XPR1: variants seen among roughly 807,000 people sequenced by gnomAD.
XPR1 encodes the protein solute carrier family 53 member 1.
Under a neutral mutation model 87.5 loss-of-function variants are expected in XPR1, and 28 were observed. The ratio of observed to expected loss-of-function variants is 0.32; its 90% CI spans 0.24 to 0.44. The LOEUF (loss-of-function observed/expected upper bound fraction) is 0.44. Among genes scored for constraint, XPR1 ranks in the 20% least tolerant of loss-of-function variants. XPR1 has a pLI of 1.00. For synonymous variants in XPR1, 300 were observed against 306.1 expected (o/e 0.98, Z 0.21); for missense variants, 559 against 862.3 (o/e 0.65, Z 4.41).
At chr1:180,679,994 G>A (rs1656509718) in intron 1 of XPR1, among the ~76,000 whole-genome samples, 1 of 152,008 alleles carries the variant, frequency 6.6e-6, no homozygotes, top group South Asian at 2.1e-4. Flanking sequence ...CACTACAGGG[G>A]ATTAATATCT....
rs142103080 is a variant in XPR1 at position 180,711,219 on chromosome 1, G to A, written c.121+28808G>A. Among the ~76,000 whole-genome samples the A allele has an allele frequency of 4.8e-3, 728 of 151,428 alleles. 1 individual carries two copies. Among genetic ancestry groups the A allele is most frequent in the African/African-American group, 0.016 (673 of 41,224 alleles). On this transcript the variant is annotated intron_variant, in intron 2 of 14. Coordinates refer to ENST00000367590, the MANE Select transcript of XPR1 (RefSeq NM_004736.4). Reference sequence around the variant, plus strand: ...TCACTTCCCAGACAGGGTGGCGGCCGGGCAGAGGCTGCAATCTCGGCACTT... The same window carrying A: ...TCACTTCCCAGACAGGGTGGCGGCCAGGCAGAGGCTGCAATCTCGGCACTT...
In XPR1 at chr1:180,880,248, T is replaced by C; in HGVS notation, c.1981T>C (p.Trp661Arg). ...ACGAAACCGCCAGAAGAATCGGTCATGGAAGTACAACCAGAGCATATCCCT... is the reference window on the plus strand; with the variant it reads ...ACGAAACCGCCAGAAGAATCGGTCACGGAAGTACAACCAGAGCATATCCCT... ...GVRNRQKNRS[W>R]KYNQSISLRR... Residue 661 changes from tryptophan (W) to arginine (R), a missense_variant, in exon 14 of 15, where the codon TGG (tryptophan) becomes CGG (arginine). By Grantham distance (101) the Trp-to-Arg change is moderately radical. Around this residue, in one of 7 missense-constraint regions of XPR1, gnomAD observed 80 missense variants for 99.5 expected, o/e 0.80. Coordinates refer to ENST00000367590, the MANE Select transcript of XPR1 (RefSeq NM_004736.4). The C allele has an allele frequency of 6.2e-7, 1 of 1,614,220 alleles. No individual in the cohort carries two copies. Among genetic ancestry groups the C allele is most frequent in the East Asian group, 2.2e-5 (1 of 44,890 alleles).
chr1:180,637,557 T>TAA (rs1173176824), intron 1 of XPR1, among the ~76,000 whole-genome samples: 5 of 152,174 alleles, frequency 3.3e-5, no homozygotes, highest in Non-Finnish European at 7.3e-5. Flanking sequence ...AAGCTAATTC[T>TAA]TTTTTCTTTT....
intron 9 of XPR1, among the ~76,000 whole-genome samples, chr1:180,826,150 C>T (rs1650828465): frequency 6.6e-6 from 1 of 152,166 alleles, no homozygotes; most frequent in African/African-American, 2.4e-5. Flanking sequence ...AATCATTTAG[C>T]CTCAGCAGTG....
intron 1 of XPR1, among the ~76,000 whole-genome samples, chr1:180,667,849 T>C (rs2101926586): frequency 6.6e-6 from 1 of 152,310 alleles, no homozygotes; most frequent in East Asian, 1.9e-4. Context: ...CCATTTCATC[T>C]GGATTATCCA....
intron 6 of XPR1, among the ~76,000 whole-genome samples, chr1:180,809,187 A>T (rs1650117075): frequency 6.6e-6 from 1 of 152,192 alleles, no homozygotes; most frequent in Non-Finnish European, 1.5e-5. Context: ...TCATTAACCT[A>T]AGACTCCAGA....
chr1:180,842,995 T>C (rs1651567545), intron 11 of XPR1, among the ~76,000 whole-genome samples: 1 of 152,228 alleles, frequency 6.6e-6, no homozygotes. Context: ...TGTTTTCCAA[T>C]GCCCAGATCT....
intron 1 of XPR1, among the ~76,000 whole-genome samples, chr1:180,633,828 G>A (rs1368506389): frequency 2.0e-5 from 3 of 152,180 alleles, no homozygotes; most frequent in Non-Finnish European, 4.4e-5. Context: ...CATCTTTCTA[G>A]TAGTAATTTT....
chr1:180,818,383 A>G (rs75233069), intron 7 of XPR1, among the ~76,000 whole-genome samples: 2,140 of 149,074 alleles, frequency 0.014, 39 homozygotes, highest in African/African-American at 0.05. Context: ...ACCTAGCCCC[A>G]TTGTTAAGTG....
chr1:180,725,568 A>T (rs1658310570), intron 2 of XPR1, among the ~76,000 whole-genome samples: 1 of 152,206 alleles, frequency 6.6e-6, no homozygotes, highest in African/African-American at 2.4e-5. Flanking sequence ...CAGCTGAATT[A>T]TAAGCTAATT....
chr1:180,633,644 A>G (rs1437167560), intron 1 of XPR1, among the ~76,000 whole-genome samples: 1 of 152,200 alleles, frequency 6.6e-6, no homozygotes, highest in African/African-American at 2.4e-5. Flanking sequence ...TTAATGCTTT[A>G]TTGTCACTCA....
chr1:180,651,299 C>T (rs976442778), intron 1 of XPR1, among the ~76,000 whole-genome samples: 1 of 152,064 alleles, frequency 6.6e-6, no homozygotes, highest in Admixed American at 6.6e-5. Flanking sequence ...ACCATGTTGG[C>T]CAGGCTGGTC....
At chr1:180,676,825 A>G (rs1204518861) in intron 1 of XPR1, among the ~76,000 whole-genome samples, 1 of 152,246 alleles carries the variant, frequency 6.6e-6, no homozygotes, top group Admixed American at 6.5e-5. Context: ...AATTAATAAC[A>G]TGTTTAAGAA....
intron 11 of XPR1, among the ~76,000 whole-genome samples, chr1:180,841,296 T>G (rs1448343729): frequency 6.6e-6 from 1 of 152,152 alleles, no homozygotes; most frequent in Non-Finnish European, 1.5e-5. Context: ...TACCCTGTTA[T>G]GTGCCTTGCT....
At chr1:180,860,582 A>T (rs960001384) in intron 11 of XPR1, among the ~76,000 whole-genome samples, 1 of 152,190 alleles carries the variant, frequency 6.6e-6, no homozygotes, top group Non-Finnish European at 1.5e-5. Context: ...TATTATGTTA[A>T]GTGAAAACAA....
intron 2 of XPR1, among the ~76,000 whole-genome samples, chr1:180,785,007 GTGTT>G (rs1243213520): frequency 2.5e-5 from 3 of 118,372 alleles, no homozygotes; most frequent in African/African-American, 1.1e-4. Context: ...TCGTGTGTGT[GTGTT>G]TGTGTGTGTG....
At chr1:180,850,048 T>C (rs1029598064) in intron 11 of XPR1, among the ~76,000 whole-genome samples, 1 of 152,200 alleles carries the variant, frequency 6.6e-6, no homozygotes, top group Admixed American at 6.5e-5. Flanking sequence ...GATACTGCAG[T>C]TGGTGAAGTA....
At chr1:180,794,299 G>A (rs1649494181) in intron 3 of XPR1, among the ~76,000 whole-genome samples, 1 of 152,124 alleles carries the variant, frequency 6.6e-6, no homozygotes, top group Non-Finnish European at 1.5e-5. Context: ...TATAGAAAAG[G>A]TACAGTAAAA....
At chr1:180,713,135 A>G (rs1309324123) in intron 2 of XPR1, among the ~76,000 whole-genome samples, 1 of 151,976 alleles carries the variant, frequency 6.6e-6, no homozygotes, top group Non-Finnish European at 1.5e-5. Flanking sequence ...AGAGTAAGGT[A>G]TATATTTCTC....
Sources: gnomAD v4.1 joint callset for allele counts (sites outside exome capture counted in the v4.1 genomes callset) on GRCh38, gnomAD v4.1.1 for gene constraint, gnomAD v4.1.1 regional missense constraint, MANE v1.5 for transcripts, NCBI Gene and HGNC (gene_info 2026-07-23, HGNC 2026-07-21) for gene names.